The following GALNT13 variants were observed in gnomAD, a reference collection of about 807,000 sequenced individuals.
GALNT13 encodes polypeptide N-acetylgalactosaminyltransferase 13.
A neutral mutation model predicts 64.2 loss-of-function variants in GALNT13; 28 were observed. The ratio of observed to expected loss-of-function variants is 0.44; its 90% CI spans 0.32 to 0.60. GALNT13 has a LOEUF of 0.60. Among genes scored for constraint, GALNT13 ranks in the 20% least tolerant of loss-of-function variants. The pLI, the probability that GALNT13 is intolerant of heterozygous loss-of-function variation, is 0.05. For synonymous variants in GALNT13, 214 were observed against 224.6 expected (o/e 0.95, Z 0.42); for missense variants, 577 against 669.8 (o/e 0.86, Z 1.53).
the GALNT13 span, among the ~76,000 whole-genome samples, chr2:153,260,052 A>G: frequency 6.6e-6 from 1 of 151,914 alleles, no homozygotes; most frequent in Non-Finnish European, 1.5e-5. Context: ...ACAACTTAAC[A>G]CTATTTGCAT....
chr2:153,879,699 A>G (rs1686651298), intron 1 of GALNT13, among the ~76,000 whole-genome samples: 1 of 152,118 alleles, frequency 6.6e-6, no homozygotes. Flanking sequence ...AACTTGAAGT[A>G]GCAGAATTGA....
chr2:153,103,792 A>G, the GALNT13 span, among the ~76,000 whole-genome samples: 1 of 152,156 alleles, frequency 6.6e-6, no homozygotes, highest in Non-Finnish European at 1.5e-5. Flanking sequence ...ACATACCTAG[A>G]TTGTGTTTGG....
At chr2:153,873,104 CT>C (rs1461678480) in intron 1 of GALNT13, among the ~76,000 whole-genome samples, 1 of 152,222 alleles carries the variant, frequency 6.6e-6, no homozygotes, top group Non-Finnish European at 1.5e-5. Flanking sequence ...TCTGCCCCGT[CT>C]TCCCGAACAC....
At chr2:153,278,286 T>G in the GALNT13 span, among the ~76,000 whole-genome samples, 1 of 152,124 alleles carries the variant, frequency 6.6e-6, no homozygotes, top group African/African-American at 2.4e-5. Context: ...TTGCAAATAT[T>G]TTCTGTCATT....
intron 3 of GALNT13, among the ~76,000 whole-genome samples, chr2:153,973,848 A>G (rs2105135429): frequency 6.6e-6 from 1 of 152,152 alleles, no homozygotes; most frequent in African/African-American, 2.4e-5. Flanking sequence ...GACCATATAC[A>G]GATGATCTTG....
At chr2:153,130,880 AAAAT>A in the GALNT13 span, among the ~76,000 whole-genome samples, 1 of 152,210 alleles carries the variant, frequency 6.6e-6, no homozygotes, top group East Asian at 1.9e-4. Context: ...CTGAGGCTGC[AAAAT>A]AAATAGTTGT....
At chr2:153,174,234 CTGAAATATAATACATATT>C in the GALNT13 span, among the ~76,000 whole-genome samples, 1 of 152,298 alleles carries the variant, frequency 6.6e-6, no homozygotes, top group African/African-American at 2.4e-5. Flanking sequence ...TTCCCGTTTT[CTGAAATATAATACATATT>C]TGCATCCAAA....
At chr2:153,684,583 T>A in the GALNT13 span, among the ~76,000 whole-genome samples, 20 of 151,770 alleles carry the variant, frequency 1.3e-4, no homozygotes, top group African/African-American at 4.8e-4. Flanking sequence ...TCTCTCAAAT[T>A]ATGTGTTTAT....
chr2:153,720,423 C>G, the GALNT13 span, among the ~76,000 whole-genome samples: 19 of 151,882 alleles, frequency 1.3e-4, no homozygotes, highest in African/African-American at 4.6e-4. Flanking sequence ...TCCAAAGGAA[C>G]GCAGTTCCTC....
chr2:153,831,558 C>A, the GALNT13 span, among the ~76,000 whole-genome samples: 1 of 152,264 alleles, frequency 6.6e-6, no homozygotes, highest in East Asian at 1.9e-4. Context: ...AGCCTCATCA[C>A]GCCTCAGCAC....
chr2:153,985,008 C>T (rs1694701359), intron 3 of GALNT13, among the ~76,000 whole-genome samples: 1 of 151,836 alleles, frequency 6.6e-6, no homozygotes, highest in South Asian at 2.1e-4. Context: ...GAGGAAGTTC[C>T]TTAATTATTC....
the GALNT13 span, among the ~76,000 whole-genome samples, chr2:153,540,458 C>G: frequency 6.6e-6 from 1 of 152,216 alleles, no homozygotes; most frequent in Non-Finnish European, 1.5e-5. Context: ...GGGGTTGGAG[C>G]TCCCACACAG....
chr2:153,502,210 T>C, the GALNT13 span, among the ~76,000 whole-genome samples: 1 of 152,170 alleles, frequency 6.6e-6, no homozygotes, highest in Non-Finnish European at 1.5e-5. Flanking sequence ...TACACTGTAC[T>C]CAATGTGTAG....
chr2:153,688,994 GTGTGTGTGT>G, the GALNT13 span, among the ~76,000 whole-genome samples: 741 of 21,634 alleles, frequency 0.034, 7 homozygotes, highest in Non-Finnish European at 0.086. Flanking sequence ...AGGTAGGGGT[GTGTGTGTGT>G]GTGTGTGTGT....
chr2:154,252,844 G>A (rs1345064079), intron 7 of GALNT13, among the ~76,000 whole-genome samples: 1 of 151,970 alleles, frequency 6.6e-6, no homozygotes, highest in Non-Finnish European at 1.5e-5. Context: ...AAAGAAAGAT[G>A]ACTTTTTTAT....
intron 3 of GALNT13, among the ~76,000 whole-genome samples, chr2:153,999,643 T>G (rs1695766620): frequency 6.6e-6 from 1 of 152,062 alleles, no homozygotes; most frequent in Non-Finnish European, 1.5e-5. Context: ...TGATGAACCA[T>G]CCTTTCATCC....
the GALNT13 span, among the ~76,000 whole-genome samples, chr2:153,434,826 T>A: frequency 6.6e-6 from 1 of 152,148 alleles, no homozygotes; most frequent in Non-Finnish European, 1.5e-5. Context: ...AGAAGCTCTT[T>A]AGTTTAATTA....
At chr2:154,009,634 G>T (rs536235109) in intron 3 of GALNT13, among the ~76,000 whole-genome samples, 1 of 151,704 alleles carries the variant, frequency 6.6e-6, no homozygotes, top group African/African-American at 2.4e-5. Flanking sequence ...GGGACTACAT[G>T]TGCCACCACC....
the GALNT13 span, among the ~76,000 whole-genome samples, chr2:153,827,098 T>C: frequency 0.09 from 13,613 of 151,974 alleles, 817 homozygotes; most frequent in African/African-American, 0.17. Flanking sequence ...GTAGAGGCCT[T>C]ACAATCATGG....
Sources: allele counts gnomAD v4.1 joint callset (sites outside exome capture counted in the v4.1 genomes callset), GRCh38; gene constraint gnomAD v4.1.1; transcripts MANE v1.5; gene names NCBI Gene and HGNC (gene_info 2026-07-23, HGNC 2026-07-21).